PLEKHM1: variants seen among roughly 807,000 people sequenced by gnomAD.
PLEKHM1 encodes pleckstrin homology and RUN domain containing M1.
In PLEKHM1, 28 loss-of-function variants were observed where a neutral mutation model predicts 94.3. That is an observed-to-expected ratio of 0.30 (90% CI 0.22 to 0.41). PLEKHM1 has a LOEUF of 0.41. PLEKHM1 is among the 10% of genes least tolerant of loss of function. PLEKHM1 has a pLI of 1.00. For missense variants in PLEKHM1, 907 were observed against 1,358.6 expected (o/e 0.67, Z 5.22); for synonymous variants, 424 against 581.2 (o/e 0.73, Z 3.89).
At chr17:45,488,643 T>C (rs1009454167) in intron 1 of PLEKHM1, among the ~76,000 whole-genome samples, 1 of 152,032 alleles carries the variant, frequency 6.6e-6, no homozygotes, top group Admixed American at 6.5e-5. Context: ...TTGGGGCTCT[T>C]TAAAACTGCA....
intron 11 of PLEKHM1, among the ~76,000 whole-genome samples, chr17:45,438,809 G>A (rs146092449): frequency 0.014 from 2,176 of 152,158 alleles, 29 homozygotes; most frequent in Admixed American, 0.027. Context: ...CACCTGCCTT[G>A]GCCTCCCAAA....
chr17:45,458,157 C>T lies in PLEKHM1; in HGVS notation c.1579+12G>A, dbSNP rs1304497689. On this transcript the variant is annotated intron_variant, in intron 6 of 11. Transcript: ENST00000430334. ...CAGATGGGACCCACCCGGGACCCTC[C>T]TGGTAACCTACCCATCTGTCTCCGG... 2.0e-5 allele frequency: 32 copies of T among 1,612,442 alleles called. No individual in the cohort carries two copies. The highest frequency in any genetic ancestry group is 2.7e-5 in the Non-Finnish European group (32 of 1,179,324).
chr17:45,451,658 A>G (rs1442235900), intron 7 of PLEKHM1, among the ~76,000 whole-genome samples: 1 of 152,030 alleles, frequency 6.6e-6, no homozygotes, highest in Admixed American at 6.6e-5. Context: ...AAATTATGAA[A>G]TACAACCCAG....
chr17:45,453,905 C>T lies in PLEKHM1; in HGVS notation c.1947G>A (p.Glu649=). ...AGGGAGAGAGGCAGCCCTGGGGCGC[C>T]TCGGGGGGTTCCTCAGGCTGGTCTG... ...QYPDQPEEPP[E]APQGCLSPSD... Residue 649 remains glutamate, a synonymous_variant, in exon 7 of 12, where the codon GAG becomes GAA. Coordinates refer to ENST00000430334, the MANE Select transcript of PLEKHM1 (RefSeq NM_014798.3). The surrounding 1 kb of genome is among the most constrained non-coding windows in gnomAD (Gnocchi z 4.1). The T allele has an allele frequency of 1.2e-6, 2 of 1,613,818 alleles. No individual in the cohort carries two copies. Among genetic ancestry groups the T allele is most frequent in the Non-Finnish European group, 1.7e-6 (2 of 1,179,768 alleles).
At chr17:45,483,142 T>A (rs2052008013) in intron 1 of PLEKHM1, among the ~76,000 whole-genome samples, 2 of 151,814 alleles carry the variant, frequency 1.3e-5, no homozygotes, top group Admixed American at 6.6e-5. Context: ...GACAGGGACG[T>A]GTCTAACCGG....
chr17:45,470,801 G>A (rs1319077293), intron 4 of PLEKHM1, among the ~76,000 whole-genome samples: 1 of 150,868 alleles, frequency 6.6e-6, no homozygotes, highest in Non-Finnish European at 1.5e-5. Context: ...TAGGACTACA[G>A]ACGCCCGCCA....
At chr17:45,483,140 C>T (rs1248905705) in intron 1 of PLEKHM1, among the ~76,000 whole-genome samples, 4 of 151,808 alleles carry the variant, frequency 2.6e-5, no homozygotes, top group East Asian at 1.9e-4. Context: ...CAGACAGGGA[C>T]GTGTCTAACC....
intron 5 of PLEKHM1, among the ~76,000 whole-genome samples, chr17:45,466,439 T>C (rs1440931641): frequency 1.3e-5 from 2 of 152,286 alleles, no homozygotes; most frequent in East Asian, 1.9e-4. Context: ...ATAAAAATAC[T>C]ATTAGGAGGT....
chr17:45,439,955 G>A, intron 10 of PLEKHM1: 1 of 640,488 alleles, frequency 1.6e-6, no homozygotes, highest in Non-Finnish European at 2.8e-6. Flanking sequence ...GGTTGCTGGA[G>A]TGCTTGTTTA....
chr17:45,476,744 T>A (rs2051753184), intron 3 of PLEKHM1, among the ~76,000 whole-genome samples: 1 of 152,050 alleles, frequency 6.6e-6, no homozygotes. Context: ...AGACCCCAGG[T>A]GTACCAAACT....
At chr17:45,478,225 G>C in intron 2 of PLEKHM1, 78 bp from the exon 3 acceptor site, 1 of 1,579,378 alleles carries the variant, frequency 6.3e-7, no homozygotes, top group Non-Finnish European at 8.7e-7. Flanking sequence ...CCTTTAGCTG[G>C]TGCCAAATAC....
Position 45,453,970 on chromosome 17 carries a change from G to A in PLEKHM1, c.1882C>T (p.Arg628Trp), listed in dbSNP as rs546482206. ...ACCCACTCATCCTCCTGCTGAGGCC[G>A]GACCTTCTGCAGGGCCTCCCGCACC... ...DRVREALQKV[R>W]PQQEDEWVNV... Residue 628 changes from arginine (R) to tryptophan (W), a missense_variant, in exon 7 of 12, where the codon CGG (arginine) becomes TGG (tryptophan). By Grantham distance (101) the Arg-to-Trp change is moderately radical (BLOSUM62 -3). Coordinates refer to ENST00000430334, the MANE Select transcript of PLEKHM1 (RefSeq NM_014798.3). The surrounding 1 kb of genome is among the most constrained non-coding windows in gnomAD (Gnocchi z 4.1). 113 of 1,613,962 alleles carry A rather than the reference G, an allele frequency of 7.0e-5. No homozygotes were observed. The highest frequency in any genetic ancestry group is 8.4e-5 in the Non-Finnish European group (99 of 1,179,862).
chr17:45,440,916 C>T (rs533143675), intron 9 of PLEKHM1: 3 of 157,254 alleles, frequency 1.9e-5, no homozygotes, highest in South Asian at 1.9e-4. Flanking sequence ...GAGGGACAGA[C>T]ATTCAAGTGT....
intron 9 of PLEKHM1, 108 bp from the exon 10 acceptor site, chr17:45,440,334 G>T: frequency 8.9e-7 from 1 of 1,118,100 alleles, no homozygotes; most frequent in African/African-American, 1.5e-5. Flanking sequence ...GACACCCCCC[G>T]CCTGGGCGGG....
intron 2 of PLEKHM1, among the ~76,000 whole-genome samples, chr17:45,478,950 T>C (rs2051848793): frequency 1.3e-5 from 2 of 152,046 alleles, no homozygotes; most frequent in Admixed American, 1.3e-4. Flanking sequence ...TTTCCTTATC[T>C]GTTAAAGTGG....
intron 1 of PLEKHM1, among the ~76,000 whole-genome samples, chr17:45,489,687 C>T (rs1398714317): frequency 1.3e-5 from 2 of 152,078 alleles, no homozygotes; most frequent in Non-Finnish European, 2.9e-5. Flanking sequence ...CCCCTGCACC[C>T]GCCAATCATG....
intron 9 of PLEKHM1, 185 bp from the exon 10 acceptor site, chr17:45,440,411 C>T: frequency 1.5e-6 from 1 of 667,928 alleles, no homozygotes; most frequent in Admixed American, 2.2e-5. Context: ...AACTAACTAG[C>T]TGGTGGGACC....
At position 45,453,329 on chromosome 17, in the gene PLEKHM1, G is replaced by A. The variant is rs2050828895; in HGVS notation, c.2497+26C>T. 3.1e-6 allele frequency: 5 copies of A among 1,605,980 alleles called. No homozygotes were observed. Among genetic ancestry groups the A allele is most frequent in the African/African-American group, 1.3e-5 (1 of 74,622 alleles). ...GAGGTGGAGTGAGGCTGGCAGGCTG[G>A]GGGTGGCAGCAGAGCAAATCGGCAC... On this transcript the variant is annotated intron_variant, in intron 7 of 11. Coordinates refer to ENST00000430334, the MANE Select transcript of PLEKHM1 (RefSeq NM_014798.3). This position sits in a 1 kb window ranked among gnomAD's most constrained non-coding sequence, Gnocchi z 4.1.
At position 45,453,070 on chromosome 17, in the gene PLEKHM1, G is replaced by A. The variant is rs973156577; in HGVS notation, c.2497+285C>T. 19 of 586,986 alleles carry A rather than the reference G, an allele frequency of 3.2e-5. No individual in the cohort carries two copies. The highest frequency in any genetic ancestry group is 4.9e-5 in the Non-Finnish European group (16 of 328,348). The allele number at this position is 586,986 out of a possible 1,614,324, so 36.4% of individuals were successfully genotyped here. A position where few individuals can be genotyped will look rare whatever the true frequency, so the allele number is the denominator to read the frequency against. On this transcript the variant is annotated intron_variant, in intron 7 of 11. Coordinates refer to ENST00000430334, the MANE Select transcript of PLEKHM1 (RefSeq NM_014798.3). This position sits in a 1 kb window ranked among gnomAD's most constrained non-coding sequence, Gnocchi z 4.1. ...AGCAAGAAGAAAATGAAGCAGGCTG[G>A]GACTCCCTGAGCAGCGCAGTGAGTA...
Sources: allele counts gnomAD v4.1 joint callset (sites outside exome capture counted in the v4.1 genomes callset), GRCh38; gene constraint gnomAD v4.1.1; non-coding constraint Gnocchi (gnomAD v3.1); transcripts MANE v1.5; gene names NCBI Gene and HGNC (gene_info 2026-07-23, HGNC 2026-07-21).